SYNE2: variants seen among roughly 807,000 people sequenced by gnomAD.
SYNE2 encodes spectrin repeat containing nuclear envelope protein 2.
In SYNE2, 431 loss-of-function variants were observed where a neutral mutation model predicts 856.3. The ratio of observed to expected loss-of-function variants is 0.50; its 90% CI spans 0.47 to 0.55. The LOEUF (loss-of-function observed/expected upper bound fraction) is 0.55, where lower values mean the gene tolerates loss of function less well. Among genes scored for constraint, SYNE2 ranks in the 20% least tolerant of loss-of-function variants. The pLI is 0.00. For synonymous variants in SYNE2, 2,923 were observed against 2,872.3 expected, an observed-to-expected ratio of 1.02 and a Z score of -0.56; for missense variants, 8,129 against 8,023.2, an observed-to-expected ratio of 1.01 and a Z score of -0.50.
intron 1 of SYNE2, among the ~76,000 whole-genome samples, chr14:63,872,152 T>C (rs1896995535): frequency 1.3e-5 from 2 of 152,150 alleles, no homozygotes; most frequent in South Asian, 2.1e-4. Context: ...TCTATCCAGC[T>C]TGGTGCGGTG....
At chr14:63,911,024 G>A (rs1034649429) in intron 2 of SYNE2, among the ~76,000 whole-genome samples, 1 of 152,132 alleles carries the variant, frequency 6.6e-6, no homozygotes, top group Non-Finnish European at 1.5e-5. Flanking sequence ...CATGTGGGAT[G>A]AAGTCCAGAC....
At chr14:63,988,205 G>C (rs2096640194) in intron 19 of SYNE2, among the ~76,000 whole-genome samples, 1 of 152,152 alleles carries the variant, frequency 6.6e-6, no homozygotes, top group Non-Finnish European at 1.5e-5. Flanking sequence ...AGCCTCCCAA[G>C]TAGCTGGGAT....
At chr14:64,147,788 G>A (rs1431183724) in intron 84 of SYNE2, among the ~76,000 whole-genome samples, 2 of 152,146 alleles carry the variant, frequency 1.3e-5, no homozygotes, top group Non-Finnish European at 2.9e-5. Context: ...TATTTCTATG[G>A]CCAACATTAG....
chr14:63,964,438 A>G (rs984166531), intron 10 of SYNE2, among the ~76,000 whole-genome samples: 2 of 152,362 alleles, frequency 1.3e-5, no homozygotes, highest in East Asian at 3.9e-4. Flanking sequence ...ATGGCCTGAG[A>G]TATTTACTGT....
chr14:63,898,020 G>C (rs141886722), intron 1 of SYNE2, among the ~76,000 whole-genome samples: 2 of 152,264 alleles, frequency 1.3e-5, no homozygotes, highest in East Asian at 3.9e-4. Flanking sequence ...GTCTTATCAT[G>C]AGCTGCTTTA....
chr14:64,114,242 G>T (rs1310620343), intron 66 of SYNE2, among the ~76,000 whole-genome samples: 2 of 152,172 alleles, frequency 1.3e-5, no homozygotes, highest in East Asian at 3.8e-4. Flanking sequence ...GAAGGTTGGG[G>T]TTTCTAATCC....
intron 2 of SYNE2, among the ~76,000 whole-genome samples, chr14:63,938,917 G>C (rs557213781): frequency 6.6e-6 from 1 of 152,152 alleles, no homozygotes; most frequent in South Asian, 2.1e-4. Context: ...AGACCTGAGA[G>C]TCTAGAGTGC....
At chr14:64,167,670 C>G in intron 92 of SYNE2, 31 bp downstream of exon 92, 8 of 1,613,888 alleles carry the variant, frequency 5.0e-6, no homozygotes, top group Non-Finnish European at 6.8e-6. Flanking sequence ...ACCCTTGAAC[C>G]GCTCATCTGG....
intron 89 of SYNE2, among the ~76,000 whole-genome samples, chr14:64,164,791 A>T (rs2098361734): frequency 6.6e-6 from 1 of 152,188 alleles, no homozygotes; most frequent in Non-Finnish European, 1.5e-5. Context: ...GCTTCTGAAT[A>T]TTTATCTATG....
At chr14:64,219,680 TC>T (rs1237557706) in intron 110 of SYNE2, among the ~76,000 whole-genome samples, 1 of 152,152 alleles carries the variant, frequency 6.6e-6, no homozygotes, top group Non-Finnish European at 1.5e-5. Flanking sequence ...AAATCTGACA[TC>T]CGAGGCATTT....
Position 63,981,058 on chromosome 14 carries a change from T to C in SYNE2, c.1721T>C (p.Ile574Thr), listed in dbSNP as rs9944035. 123,630 of 1,593,248 alleles carry C rather than the reference T, an allele frequency of 0.078. 5,821 individuals carry two copies. Among genetic ancestry groups the C allele is most frequent in the South Asian group, 0.16 (14,458 of 90,324 alleles). ...KSDVCMYRKN[I>T]YNVKSTLQKV... ...GATGTTTGTATGTATAGAAAAAATA[T>C]ATATAATGTGAAGTCCACTCTACAA... The change falls in exon 16 of 116, where the codon ATA (isoleucine) becomes ACA (threonine). Residue 574 changes from isoleucine to threonine, a missense_variant. Ile to Thr is a moderately conservative substitution (Grantham distance 89). Transcript: ENST00000555002.
At chr14:63,974,783 T>C (rs1467697997) in intron 11 of SYNE2, among the ~76,000 whole-genome samples, 1 of 82,898 alleles carries the variant, frequency 1.2e-5, no homozygotes, top group African/African-American at 7.0e-5. Flanking sequence ...TATATATGTG[T>C]GTATATATAT....
rs901661233 is a variant in SYNE2, at chr14:64,225,594, G to T, written c.*68G>T. On this transcript the variant is annotated 3_prime_UTR_variant, in exon 116 of 116. Transcript: ENST00000555002. Reference sequence around the variant, plus strand: ...CAAGGGTGCCCAGCACGTGGCCCCAGACCAATCTGAGTGACTTAGTGTTGG... The same window carrying T: ...CAAGGGTGCCCAGCACGTGGCCCCATACCAATCTGAGTGACTTAGTGTTGG... 6.5e-7 allele frequency: 1 copy of T among 1,531,614 alleles called. No individual in the cohort carries two copies. The highest frequency in any genetic ancestry group is 9.0e-7 in the Non-Finnish European group (1 of 1,115,652). 94.9% of individuals were successfully genotyped at this position (1,531,614 alleles called of 1,614,324 possible).
chr14:64,005,171 A>G (rs1157922475), intron 30 of SYNE2, among the ~76,000 whole-genome samples: 1 of 152,198 alleles, frequency 6.6e-6, no homozygotes, highest in Non-Finnish European at 1.5e-5. Flanking sequence ...TTGTTCTTCA[A>G]GTGACATGGG....
At chr14:64,161,296 A>T (rs575955752) in intron 87 of SYNE2, among the ~76,000 whole-genome samples, 12 of 151,946 alleles carry the variant, frequency 7.9e-5, no homozygotes, top group Non-Finnish European at 1.5e-4. Context: ...GTGAGCTGAG[A>T]TTGCACCACT....
intron 11 of SYNE2, among the ~76,000 whole-genome samples, chr14:63,970,990 G>A (rs1017916950): frequency 6.6e-6 from 1 of 151,638 alleles, no homozygotes; most frequent in Non-Finnish European, 1.5e-5. Context: ...TGGATCATAC[G>A]TTTTTTAAGA....
intron 32 of SYNE2, among the ~76,000 whole-genome samples, chr14:64,016,108 T>A (rs1237580022): frequency 6.6e-6 from 1 of 152,136 alleles, no homozygotes; most frequent in Non-Finnish European, 1.5e-5. Context: ...AAAAAGATGA[T>A]TCTTATTAGG....
intron 11 of SYNE2, among the ~76,000 whole-genome samples, chr14:63,970,651 C>CTTTTTTTTTTTTTTTTTT (rs61126600): frequency 4.1e-4 from 41 of 98,878 alleles, no homozygotes; most frequent in African/African-American, 6.1e-4. Flanking sequence ...TTTCTTTTTT[C>CTTTTTTTTTTTTTTTTTT]TTTTTTTTTT....
intron 23 of SYNE2, among the ~76,000 whole-genome samples, 181 bp from the exon 24 acceptor site, chr14:63,996,766 G>A (rs757068333): frequency 4.6e-5 from 7 of 152,094 alleles, no homozygotes; most frequent in South Asian, 2.1e-4. Flanking sequence ...TTACTGAACC[G>A]GAAATTCCTT....
Sources: gnomAD v4.1 joint callset for allele counts (sites outside exome capture counted in the v4.1 genomes callset) on GRCh38, gnomAD v4.1.1 for gene constraint, MANE v1.5 for transcripts, NCBI Gene and HGNC (gene_info 2026-07-23, HGNC 2026-07-21) for gene names.